EPHB4: variants seen among roughly 807,000 people sequenced by gnomAD.
EPHB4 encodes EPH receptor B4, also known as ephrin type-B receptor 4.
Under a neutral mutation model 110.6 loss-of-function variants are expected in EPHB4, and 50 were observed. The ratio of observed to expected loss-of-function variants is 0.45; its 90% CI spans 0.36 to 0.57. EPHB4 has a LOEUF of 0.57. Among genes scored for constraint, EPHB4 ranks in the 20% least tolerant of loss-of-function variants. The probability of loss-of-function intolerance (pLI) is 0.00; values close to 1 mark genes in which losing one functional copy is unlikely to be tolerated. For missense variants in EPHB4, 1,128 were observed against 1,382.1 expected, an observed-to-expected ratio of 0.82 and a Z score of 2.91; for synonymous variants, 592 against 578.4, an observed-to-expected ratio of 1.02 and a Z score of -0.34.
At position 100,803,663 on chromosome 7, in the gene EPHB4, C is replaced by T. The variant is rs1003698497; in HGVS notation, c.2835-73G>A. The T allele has an allele frequency of 2.0e-5, 29 of 1,473,852 alleles. No individual in the cohort carries two copies. In the African/African-American group the frequency reaches 2.2e-4, roughly 11 times the overall value. The allele number at this position is 1,473,852 out of a possible 1,614,324, so 91.3% of individuals were successfully genotyped here. A position where few individuals can be genotyped will look rare whatever the true frequency, so the allele number is the denominator to read the frequency against. The stretch of plus-strand genomic sequence containing the variant: ...CGCTCTCCTCTCTTGGCTCCTGAGA[C>T]GGTCCTAGCCTCAGGATTGTAAGCC... On this transcript the variant is annotated intron_variant, in intron 16 of 16. Coordinates refer to ENST00000358173, the MANE Select transcript of EPHB4 (RefSeq NM_004444.5).
Position 100,822,274 on chromosome 7 carries a change from G to A in EPHB4, c.805C>T (p.Arg269Ter), listed in dbSNP as rs1049858988. The change falls in exon 4 of 17, where the codon CGA becomes TGA. Residue 269 changes from arginine (R) to a stop codon, truncating the protein, a stop_gained. Coordinates refer to ENST00000358173, the MANE Select transcript of EPHB4 (RefSeq NM_004444.5). LOFTEE classifies it high-confidence loss of function. This position sits in a 1 kb window ranked among gnomAD's most constrained non-coding sequence, Gnocchi z 4.7. Reference sequence around the variant, plus strand: ...CAGGGGAAGCTCCAGCTCTCACCTCGGCACTTGGTGTTCCCCTCAGCTGCC... The same window carrying A: ...CAGGGGAAGCTCCAGCTCTCACCTCAGCACTTGGTGTTCCCCTCAGCTGCC... ...FEAAEGNTKC[R>*]ACAQGTFKPL... 1.3e-6 allele frequency: 2 copies of A among 1,559,128 alleles called. No homozygotes were observed. Among genetic ancestry groups the A allele is most frequent in the Admixed American group, 1.9e-5 (1 of 53,854 alleles).
At chr7:100,820,402 T>A in intron 4 of EPHB4, 106 bp from the exon 5 acceptor site, 2 of 1,396,482 alleles carry the variant, frequency 1.4e-6, no homozygotes, top group Non-Finnish European at 1.9e-6. Flanking sequence ...AGGCTGAGGC[T>A]GGAGGATCGC....
In EPHB4 at chr7:100,805,921, T is replaced by A. The variant is rs2116415071; in HGVS notation, c.2485-227A>T. ...TGTTACCTCTCAACCCTGCCCTCCATCTCTGCATCCTTCTGCGACCCAAAT... is the reference window on the plus strand; with the variant it reads ...TGTTACCTCTCAACCCTGCCCTCCAACTCTGCATCCTTCTGCGACCCAAAT... On this transcript the variant is annotated intron_variant, in intron 14 of 16. Coordinates refer to ENST00000358173, the MANE Select transcript of EPHB4 (RefSeq NM_004444.5). 2 of 429,292 alleles carry A rather than the reference T, an allele frequency of 4.7e-6. 1 individual carries two copies. The highest frequency in any genetic ancestry group is 1.8e-4 in the South Asian group (2 of 11,092). 26.6% of individuals were successfully genotyped at this position (429,292 alleles called of 1,614,324 possible).
At chr7:100,809,702 C>T (rs552890551) in intron 12 of EPHB4, among the ~76,000 whole-genome samples, 48 of 152,106 alleles carry the variant, frequency 3.2e-4, no homozygotes, top group African/African-American at 1.1e-3. Context: ...TGTGTAGAGA[C>T]GGGGTTTCAC....
intron 12 of EPHB4, among the ~76,000 whole-genome samples, chr7:100,811,869 TAAA>T (rs764889610): frequency 2.3e-5 from 3 of 132,268 alleles, no homozygotes; most frequent in Non-Finnish European, 3.3e-5. Context: ...GACTCTGTCT[TAAA>T]AAAAAAAAAA....
At chr7:100,807,248 T>A in intron 13 of EPHB4, 117 bp downstream of exon 13, 8 of 1,047,156 alleles carry the variant, frequency 7.6e-6, no homozygotes, top group Non-Finnish European at 1.1e-5. Context: ...ACCCACAGCC[T>A]GCTCCTGTAT....
intron 16 of EPHB4, among the ~76,000 whole-genome samples, 197 bp from the exon 17 acceptor site, chr7:100,803,787 G>T (rs189463672): frequency 4.6e-5 from 7 of 152,220 alleles, no homozygotes; most frequent in East Asian, 3.8e-4. Flanking sequence ...ACCGCAGAAG[G>T]GGGTAGGGCT....
At chr7:100,823,055 G>A (rs995036940) in intron 3 of EPHB4, among the ~76,000 whole-genome samples, 1 of 152,204 alleles carries the variant, frequency 6.6e-6, no homozygotes, top group African/African-American at 2.4e-5. Flanking sequence ...GGAGGCCGAG[G>A]TGGGAGAAAT....
At position 100,813,643 on chromosome 7, in the gene EPHB4, G is replaced by A; in HGVS notation, c.1756+9C>T. 1.2e-6 allele frequency: 2 copies of A among 1,613,848 alleles called. No individual in the cohort carries two copies. Among genetic ancestry groups the A allele is most frequent in the Non-Finnish European group, 1.7e-6 (2 of 1,179,966 alleles). On this transcript the variant is annotated intron_variant, in intron 10 of 16. Transcript: ENST00000358173. ...AAGCCCCTATTCCCATCAAATTAGG[G>A]CAACCCACCATGTCCGATGAGATAC... is the stretch of plus-strand genomic sequence containing the variant.
intron 12 of EPHB4, among the ~76,000 whole-genome samples, chr7:100,811,343 C>T (rs1562968651): frequency 6.6e-6 from 1 of 151,480 alleles, no homozygotes; most frequent in Non-Finnish European, 1.5e-5. Flanking sequence ...GTTCTCTTTC[C>T]TCTCTAGCCA....
rs199897074 is a variant in EPHB4 at position 100,823,946 on chromosome 7, A to T, written c.124-15T>A. ...AGTTCCTCCCACTGTGCAGAGAAGG[A>T]GGTCAGCAAGGGGGCTGGGGAGCCG... is the stretch of plus-strand genomic sequence containing the variant. On this transcript the variant is annotated splice_polypyrimidine_tract_variant and intron_variant, in intron 2 of 16. Coordinates refer to ENST00000358173, the MANE Select transcript of EPHB4 (RefSeq NM_004444.5). The T allele has an allele frequency of 2.6e-5, 41 of 1,562,998 alleles. No homozygotes were observed. The highest frequency in any genetic ancestry group is 1.2e-4 in the East Asian group (5 of 42,276).
intron 12 of EPHB4, 70 bp from the exon 13 acceptor site, chr7:100,807,650 T>C: frequency 1.4e-6 from 2 of 1,467,322 alleles, no homozygotes; most frequent in South Asian, 1.3e-5. Context: ...ATCCACATCT[T>C]TTTTTTTTAG....
chr7:100,817,517 T>C (rs562811936), intron 7 of EPHB4, among the ~76,000 whole-genome samples, 160 bp from the exon 8 acceptor site: 2 of 152,330 alleles, frequency 1.3e-5, no homozygotes, highest in South Asian at 2.1e-4. Flanking sequence ...GCTGTATTCA[T>C]AATATCATTC....
chr7:100,813,993 G>A lies in EPHB4; in HGVS notation c.1617C>T (p.Ala539=). The change falls in exon 9 of 17, where the codon GCC becomes GCT. Residue 539 remains alanine (A), a synonymous_variant. Coordinates refer to ENST00000358173, the MANE Select transcript of EPHB4 (RefSeq NM_004444.5). ...CCACGACTGCCGTGCCCGCAATCAG[G>A]GCCAGCTGCTCCCGCCAGCCCTCGC... ...DESEGWREQL[A]LIAGTAVVGV... 6.2e-7 allele frequency: 1 copy of A among 1,614,148 alleles called. No individual in the cohort carries two copies. Among genetic ancestry groups the A allele is most frequent in the Non-Finnish European group, 8.5e-7 (1 of 1,180,018 alleles).
intron 12 of EPHB4, among the ~76,000 whole-genome samples, chr7:100,812,522 G>A (rs1812958969): frequency 6.6e-6 from 1 of 152,154 alleles, no homozygotes; most frequent in South Asian, 2.1e-4. Flanking sequence ...CCTGGAGGTG[G>A]AGACAGCAAT....
At chr7:100,819,993 A>C in intron 5 of EPHB4, 104 bp from the exon 6 acceptor site, 2 of 1,466,958 alleles carry the variant, frequency 1.4e-6, no homozygotes, top group South Asian at 2.7e-5. Flanking sequence ...CCTTGGAGAC[A>C]GTGGGCTCCA....
At chr7:100,826,142 G>A (rs1433854131) in intron 1 of EPHB4, among the ~76,000 whole-genome samples, 1 of 152,232 alleles carries the variant, frequency 6.6e-6, no homozygotes, top group Admixed American at 6.5e-5. Context: ...ACACAGGAGA[G>A]TTTCTAGGGC....
At chr7:100,825,816 T>C (rs1813371988) in intron 1 of EPHB4, among the ~76,000 whole-genome samples, 1 of 152,218 alleles carries the variant, frequency 6.6e-6, no homozygotes, top group African/African-American at 2.4e-5. Flanking sequence ...CACCATTTCC[T>C]CTTTGCGTCT....
At chr7:100,808,609 G>A (rs1433191824) in intron 12 of EPHB4, among the ~76,000 whole-genome samples, 1 of 152,200 alleles carries the variant, frequency 6.6e-6, no homozygotes, top group Non-Finnish European at 1.5e-5. Flanking sequence ...GGATTTGCAA[G>A]AGAAGAGTGA....
Sources: allele counts gnomAD v4.1 joint callset (sites outside exome capture counted in the v4.1 genomes callset), GRCh38; gene constraint gnomAD v4.1.1; non-coding constraint Gnocchi (gnomAD v3.1); transcripts MANE v1.5; gene names NCBI Gene and HGNC (gene_info 2026-07-23, HGNC 2026-07-21).